STT3B: variants seen among roughly 807,000 people sequenced by gnomAD.
STT3B encodes the protein STT3 oligosaccharyltransferase complex catalytic subunit B.
STT3B carries 29 observed loss-of-function variants against 96.8 expected under a neutral mutation model. That is an observed-to-expected ratio of 0.30 (90% CI 0.22 to 0.41). The LOEUF is 0.41. Among genes scored for constraint, STT3B ranks in the 10% least tolerant of loss-of-function variants. STT3B has a pLI of 1.00. For missense variants in STT3B, 640 were observed against 1,022.3 expected (o/e 0.63, Z 5.10); for synonymous variants, 367 against 360.0 (o/e 1.02, Z -0.22).
intron 5 of STT3B, among the ~76,000 whole-genome samples, chr3:31,611,929 T>A (rs1699189485): frequency 6.6e-6 from 1 of 152,224 alleles, no homozygotes; most frequent in South Asian, 2.1e-4. Context: ...GCAATATATG[T>A]GTAATTTTAC....
intron 13 of STT3B, among the ~76,000 whole-genome samples, chr3:31,628,751 A>T (rs1559393335): frequency 6.6e-6 from 1 of 152,166 alleles, no homozygotes; most frequent in Non-Finnish European, 1.5e-5. Context: ...AGTAACGGAG[A>T]TGAGGATGGG....
intron 15 of STT3B, among the ~76,000 whole-genome samples, chr3:31,635,321 T>G (rs761684966): frequency 6.6e-6 from 1 of 152,194 alleles, no homozygotes; most frequent in Non-Finnish European, 1.5e-5. Flanking sequence ...ACCACTGCAT[T>G]TCCGGTAATT....
chr3:31,533,454 CG>C, intron 1 of STT3B, 142 bp downstream of exon 1: 1 of 1,129,782 alleles, frequency 8.9e-7, no homozygotes, highest in Non-Finnish European at 1.1e-6. Flanking sequence ...GCGCGGATCC[CG>C]GAGCTCCGGG....
At chr3:31,569,899 A>G (rs1698098151) in intron 1 of STT3B, among the ~76,000 whole-genome samples, 1 of 152,044 alleles carries the variant, frequency 6.6e-6, no homozygotes, top group Admixed American at 6.6e-5. Flanking sequence ...TATGTAAATC[A>G]TATAAATTTT....
chr3:31,599,956 C>G (rs923087333), intron 4 of STT3B, among the ~76,000 whole-genome samples: 1 of 151,980 alleles, frequency 6.6e-6, no homozygotes, highest in African/African-American at 2.4e-5. Flanking sequence ...TCTCAGTGAC[C>G]TTTCTTACAA....
chr3:31,613,520 T>C (rs919281857), intron 5 of STT3B, among the ~76,000 whole-genome samples: 6 of 152,228 alleles, frequency 3.9e-5, no homozygotes, highest in Non-Finnish European at 7.4e-5. Context: ...AATCTTAGTT[T>C]ATAATTGTTG....
In STT3B at chr3:31,546,925, G is replaced by A. The variant is rs181904034; in HGVS notation, c.314+13613G>A. Among the ~76,000 whole-genome samples, 355 of 152,272 alleles carry A rather than the reference G, an allele frequency of 2.3e-3. 2 individuals carry two copies. Among genetic ancestry groups the A allele is most frequent in the African/African-American group, 8.1e-3 (336 of 41,544 alleles). ...GGAAAGGCCTTGAAGTCAGCCTCCA[G>A]GGTGACATTTTTGTTACAAAGAATA... On this transcript the variant is annotated intron_variant, in intron 1 of 15. Transcript: ENST00000295770.
At chr3:31,567,242 C>A (rs1575417422) in intron 1 of STT3B, among the ~76,000 whole-genome samples, 1 of 152,322 alleles carries the variant, frequency 6.6e-6, no homozygotes, top group African/African-American at 2.4e-5. Flanking sequence ...TGGTACAGTG[C>A]TCCACCTCGC....
At chr3:31,609,153 C>A (rs1018272508) in intron 5 of STT3B, among the ~76,000 whole-genome samples, 1 of 152,064 alleles carries the variant, frequency 6.6e-6, no homozygotes, top group South Asian at 2.1e-4. Context: ...AGAACCAAAA[C>A]GTTTTTAGTG....
At chr3:31,544,132 GGT>G (rs1413235692) in intron 1 of STT3B, among the ~76,000 whole-genome samples, 1 of 152,126 alleles carries the variant, frequency 6.6e-6, no homozygotes, top group Non-Finnish European at 1.5e-5. Flanking sequence ...GATGAATTTG[GGT>G]GGGGTTGGAT....
chr3:31,533,582 A>G (rs902623232), intron 1 of STT3B: 4 of 269,066 alleles, frequency 1.5e-5, no homozygotes, highest in African/African-American at 4.5e-5. Flanking sequence ...AGGAGTGTGG[A>G]TGCAGCCGCC....
At chr3:31,567,547 AG>A (rs1698035126) in intron 1 of STT3B, among the ~76,000 whole-genome samples, 1 of 152,160 alleles carries the variant, frequency 6.6e-6, no homozygotes, top group South Asian at 2.1e-4. Context: ...ATTTATTCTT[AG>A]GCATTTCTAA....
chr3:31,617,279 G>C (rs1575443586), intron 7 of STT3B, among the ~76,000 whole-genome samples: 1 of 142,544 alleles, frequency 7.0e-6, no homozygotes, highest in African/African-American at 2.6e-5. Context: ...TGGATGAATA[G>C]TCCCAAACTA....
rs540782850 is a variant in STT3B at position 31,576,451 on chromosome 3, A to G, written c.370A>G (p.Asn124Asp). 3.1e-6 allele frequency: 5 copies of G among 1,606,580 alleles called. No individual in the cohort carries two copies. Among genetic ancestry groups the G allele is most frequent in the Middle Eastern group, 1.7e-4 (1 of 6,028 alleles). ...LASHGFYEFLNWFDERAWYPL... is the reference protein window; with the variant it reads ...LASHGFYEFLDWFDERAWYPL... ...ATCTCATGGGTTCTATGAATTTTTA[A>G]ATTGGTTTGATGAAAGAGCATGGTA... is the stretch of plus-strand genomic sequence containing the variant. The change falls in exon 2 of 16, where the codon AAT becomes GAT. Residue 124 changes from asparagine (N) to aspartate (D), a missense_variant. By Grantham distance (23) the Asn-to-Asp change is conservative (BLOSUM62 1). Around this residue, in one of 8 missense-constraint regions of STT3B, gnomAD observed 267 missense variants for 388.3 expected, o/e 0.69. Coordinates refer to ENST00000295770, the MANE Select transcript of STT3B (RefSeq NM_178862.3).
chr3:31,632,845 A>C, intron 14 of STT3B, 90 bp from the exon 15 acceptor site: 1 of 1,071,568 alleles, frequency 9.3e-7, no homozygotes, highest in Non-Finnish European at 1.4e-6. Flanking sequence ...TAAAGGGAGA[A>C]GGTATTACTG....
At chr3:31,613,524 A>G (rs930715126) in intron 5 of STT3B, among the ~76,000 whole-genome samples, 2 of 152,054 alleles carry the variant, frequency 1.3e-5, no homozygotes, top group African/African-American at 4.8e-5. Flanking sequence ...TTAGTTTATA[A>G]TTGTTGGGAG....
In STT3B at chr3:31,622,068, A is replaced by G. The variant is rs1361789321; in HGVS notation, c.1328-29A>G. On this transcript the variant is annotated intron_variant, in intron 9 of 15. Transcript: ENST00000295770. ...GTTTCCTGGGAACTTTTTCCCTCCA[A>G]CATATTGTAAGAGAATTTGTCTTTG... The G allele has an allele frequency of 6.3e-7, 1 of 1,596,002 alleles. No individual in the cohort carries two copies. The highest frequency in any genetic ancestry group is 1.3e-5 in the African/African-American group (1 of 74,532).
chr3:31,536,102 C>T (rs1326954412), intron 1 of STT3B, among the ~76,000 whole-genome samples: 3 of 151,952 alleles, frequency 2.0e-5, no homozygotes, highest in Non-Finnish European at 2.9e-5. Context: ...GAAGATCTCA[C>T]GTAGTTAGGC....
At chr3:31,591,945 C>T (rs1002996552) in intron 3 of STT3B, among the ~76,000 whole-genome samples, 7 of 152,000 alleles carry the variant, frequency 4.6e-5, no homozygotes, top group South Asian at 4.1e-4. Context: ...ATTTTTCCCC[C>T]AGTTTTTTTA....
Sources: allele counts gnomAD v4.1 joint callset (sites outside exome capture counted in the v4.1 genomes callset), GRCh38; gene constraint gnomAD v4.1.1; regional missense constraint gnomAD v4.1.1; transcripts MANE v1.5; gene names NCBI Gene and HGNC (gene_info 2026-07-23, HGNC 2026-07-21).